Variants in PCDH9 observed in about 807,000 individuals in gnomAD.
PCDH9 encodes protocadherin-9.
PCDH9 carries 24 observed loss-of-function variants against 70.6 expected under a neutral mutation model. That is an observed-to-expected ratio of 0.34 (90% CI 0.25 to 0.48). The LOEUF (loss-of-function observed/expected upper bound fraction) is 0.48, where lower values mean the gene tolerates loss of function less well. Among genes scored for constraint, PCDH9 ranks in the 20% least tolerant of loss-of-function variants. The pLI, the probability that PCDH9 is intolerant of heterozygous loss-of-function variation, is 0.99. For synonymous variants in PCDH9, 562 were observed against 558.5 expected (o/e 1.01, Z -0.09); for missense variants, 1,281 against 1,503.6 (o/e 0.85, Z 2.45).
At chr13:66,929,673 C>T (rs2139658700) in intron 2 of PCDH9, among the ~76,000 whole-genome samples, 1 of 152,160 alleles carries the variant, frequency 6.6e-6, no homozygotes, top group African/African-American at 2.4e-5. Context: ...ATAATTTGTA[C>T]ACAAAAACAC....
At chr13:66,760,540 T>C (rs887651830) in intron 3 of PCDH9, among the ~76,000 whole-genome samples, 3 of 152,196 alleles carry the variant, frequency 2.0e-5, no homozygotes, top group Non-Finnish European at 4.4e-5. Context: ...AAGCTGAGGA[T>C]GTATGTCACC....
intron 3 of PCDH9, among the ~76,000 whole-genome samples, chr13:66,761,570 TA>T (rs544476128): frequency 6.6e-6 from 1 of 152,182 alleles, no homozygotes; most frequent in Non-Finnish European, 1.5e-5. Context: ...TCTATGAGTT[TA>T]AATAACTTGT....
intron 2 of PCDH9, among the ~76,000 whole-genome samples, chr13:66,918,559 T>C (rs1274229184): frequency 2.0e-5 from 3 of 151,266 alleles, no homozygotes; most frequent in Admixed American, 6.6e-5. Context: ...AATGAATGTA[T>C]CTTAATTTAC....
chr13:66,792,285 A>G, intron 3 of PCDH9, among the ~76,000 whole-genome samples: 1 of 152,316 alleles, frequency 6.6e-6, no homozygotes, highest in East Asian at 1.9e-4. Context: ...AATGTTGTGA[A>G]CATAGATTTT....
intron 3 of PCDH9, among the ~76,000 whole-genome samples, chr13:66,653,104 C>T (rs1480943231): frequency 6.6e-6 from 1 of 152,038 alleles, no homozygotes; most frequent in Non-Finnish European, 1.5e-5. Flanking sequence ...CTTAATAATA[C>T]CCTACAAGCA....
intron 2 of PCDH9, among the ~76,000 whole-genome samples, chr13:67,083,575 T>G (rs1190760143): frequency 2.0e-5 from 3 of 152,312 alleles, no homozygotes; most frequent in Non-Finnish European, 4.4e-5. Context: ...TTCCTTTTAT[T>G]TTTAATTTTT....
At chr13:66,902,128 A>G (rs2082285538) in intron 3 of PCDH9, among the ~76,000 whole-genome samples, 1 of 151,700 alleles carries the variant, frequency 6.6e-6, no homozygotes, top group Non-Finnish European at 1.5e-5. Context: ...AGAGGAAAAA[A>G]TCAAAGGGTT....
intron 3 of PCDH9, among the ~76,000 whole-genome samples, chr13:66,900,234 A>C (rs2082255194): frequency 6.6e-6 from 1 of 151,870 alleles, no homozygotes. Flanking sequence ...GTCTGTGTGC[A>C]TTTGAGCAAA....
intron 3 of PCDH9, among the ~76,000 whole-genome samples, chr13:66,796,265 AT>A (rs1413818896): frequency 6.6e-6 from 1 of 152,142 alleles, no homozygotes; most frequent in Non-Finnish European, 1.5e-5. Context: ...TATATACAGC[AT>A]TGTGACATTT....
rs548219847 is a variant in PCDH9 at position 66,386,304 on chromosome 13, T to C, written c.3341-81276A>G. 1.4e-3 allele frequency among the ~76,000 whole-genome samples: 220 copies of C among 152,254 alleles called. 1 individual carries two copies. Among genetic ancestry groups the C allele is most frequent in the Middle Eastern group, 0.01 (3 of 294 alleles). ...CCCTCTCCATTACTTAAGTTTGCTT[T>C]TTGGTGTTTTATTGTTTGAAAGTCA... On this transcript the variant is annotated intron_variant, in intron 4 of 4. Coordinates refer to ENST00000377865, the MANE Select transcript of PCDH9 (RefSeq NM_203487.3).
At chr13:66,493,509 G>T (rs555853913) in intron 4 of PCDH9, among the ~76,000 whole-genome samples, 1 of 151,886 alleles carries the variant, frequency 6.6e-6, no homozygotes, top group Non-Finnish European at 1.5e-5. Flanking sequence ...ATGCAACCAC[G>T]GTAATTTAAT....
chr13:66,689,166 T>C (rs1566507253), intron 3 of PCDH9, among the ~76,000 whole-genome samples: 1 of 152,130 alleles, frequency 6.6e-6, no homozygotes, highest in Non-Finnish European at 1.5e-5. Context: ...TTTTAATGTA[T>C]AAGATGAACC....
intron 2 of PCDH9, among the ~76,000 whole-genome samples, chr13:66,946,193 A>C (rs562585518): frequency 3.9e-5 from 6 of 152,280 alleles, no homozygotes; most frequent in African/African-American, 1.4e-4. Context: ...TTTCAAAATA[A>C]ACACCAATAA....
chr13:66,533,074 G>A (rs530237684), intron 4 of PCDH9, among the ~76,000 whole-genome samples: 2 of 152,236 alleles, frequency 1.3e-5, no homozygotes, highest in East Asian at 1.9e-4. Flanking sequence ...GTGGAACTCC[G>A]GCAGTTCAGT....
intron 2 of PCDH9, among the ~76,000 whole-genome samples, chr13:67,104,253 A>G (rs1040187469): frequency 1.3e-5 from 2 of 152,164 alleles, no homozygotes; most frequent in African/African-American, 4.8e-5. Flanking sequence ...TCTAACTAGC[A>G]GGTCTGTGCA....
At chr13:66,767,837 A>G (rs766381065) in intron 3 of PCDH9, among the ~76,000 whole-genome samples, 1 of 152,092 alleles carries the variant, frequency 6.6e-6, no homozygotes, top group South Asian at 2.1e-4. Flanking sequence ...TTCCAGAAAC[A>G]TTTATTGAAA....
At chr13:67,193,883 A>AT (rs2088987111) in intron 2 of PCDH9, among the ~76,000 whole-genome samples, 1 of 152,142 alleles carries the variant, frequency 6.6e-6, no homozygotes. Context: ...GTTAAGTCAG[A>AT]TTTTATTATA....
chr13:67,177,127 A>G lies in PCDH9; in HGVS notation c.3036+48278T>C, dbSNP rs370902186. On this transcript the variant is annotated intron_variant, in intron 2 of 4. Transcript: ENST00000377865. ...AAGTACCTTAATTATTTCTATGACTACTTAGAAATAATACAAGATTTCTAA... is the reference window on the plus strand; with the variant it reads ...AAGTACCTTAATTATTTCTATGACTGCTTAGAAATAATACAAGATTTCTAA... Among the ~76,000 whole-genome samples, 9 of 152,286 alleles carry G rather than the reference A, an allele frequency of 5.9e-5. No individual in the cohort carries two copies. In the South Asian group the frequency reaches 1.7e-3, roughly 28 times the overall value.
At chr13:67,043,352 G>A (rs1471494872) in intron 2 of PCDH9, among the ~76,000 whole-genome samples, 2 of 152,132 alleles carry the variant, frequency 1.3e-5, no homozygotes, top group South Asian at 2.1e-4. Flanking sequence ...GTCGATATAC[G>A]AGGATTGTAT....
Sources: allele counts gnomAD v4.1 joint callset (sites outside exome capture counted in the v4.1 genomes callset), GRCh38; gene constraint gnomAD v4.1.1; transcripts MANE v1.5; gene names NCBI Gene and HGNC (gene_info 2026-07-23, HGNC 2026-07-21).